Variants in ATP10B observed in about 807,000 individuals in gnomAD.
ATP10B encodes the protein ATPase phospholipid transporting 10B (putative).
Under a neutral mutation model 141.2 loss-of-function variants are expected in ATP10B, and 122 were observed. The ratio of observed to expected loss-of-function variants is 0.86; its 90% CI spans 0.75 to 1.00. The LOEUF is 1.00. ATP10B is among the 50% of genes least tolerant of loss of function. The pLI is 0.00. For missense variants in ATP10B, 1,876 were observed against 1,825.3 expected (o/e 1.03, Z -0.51); for synonymous variants, 685 against 692.0 (o/e 0.99, Z 0.16).
In ATP10B at chr5:160,687,867, T is replaced by C. The variant is rs754038010; in HGVS notation, c.208A>G (p.Arg70Gly). ...AGGGTGTATTTGGTTGTGCAGGTTC[T>C]GTTGCCAGGGTATCTCCTGGAGACC... ...EEVSRRYPGN[R>G]TCTTKYTLFT... is the part of the protein sequence containing the mutation. Residue 70 changes from arginine (R) to glycine (G), a missense_variant, in exon 5 of 26, where the codon AGA becomes GGA. By Grantham distance (125) the Arg-to-Gly change is moderately radical (BLOSUM62 -2). Coordinates refer to ENST00000327245, the MANE Select transcript of ATP10B (RefSeq NM_025153.3). 3.1e-6 allele frequency: 5 copies of C among 1,614,202 alleles called. No homozygotes were observed. Among genetic ancestry groups the C allele is most frequent in the Non-Finnish European group, 2.5e-6 (3 of 1,180,024 alleles).
At chr5:160,755,814 CAAAAAAA>C (rs763385041) in intron 2 of ATP10B, among the ~76,000 whole-genome samples, 36 of 48,156 alleles carry the variant, frequency 7.5e-4, no homozygotes, top group African/African-American at 2.4e-3. Flanking sequence ...GACTCCGTCT[CAAAAAAA>C]AAAAAAAAAA....
At chr5:160,873,524 C>T in the ATP10B span, among the ~76,000 whole-genome samples, 2 of 152,162 alleles carry the variant, frequency 1.3e-5, no homozygotes, top group Non-Finnish European at 1.5e-5. Context: ...GCCAGGCTCT[C>T]GAGGAGCCAA....
the ATP10B span, among the ~76,000 whole-genome samples, chr5:160,900,442 C>T: frequency 1.3e-5 from 2 of 152,278 alleles, no homozygotes; most frequent in East Asian, 1.9e-4. Flanking sequence ...CTTGCTGATG[C>T]CCTGCCTCTT....
In ATP10B at chr5:160,569,663, C is replaced by A. The variant is rs1416602280; in HGVS notation, c.3771G>T (p.Val1257=). ...AGTACATCAGGAAGCTGCCGAGGAG[C>A]ACGACTCCGTGGAAAATGGTCTGTG... ...MKTWTIFHGV[V]LLGSFLMYFL... The change falls in exon 25 of 26, where the codon GTG becomes GTT. Residue 1257 remains valine, a synonymous_variant. Coordinates refer to ENST00000327245, the MANE Select transcript of ATP10B (RefSeq NM_025153.3). 1.9e-6 allele frequency: 3 copies of A among 1,583,606 alleles called. No individual in the cohort carries two copies. Among genetic ancestry groups the A allele is most frequent in the African/African-American group, 1.4e-5 (1 of 73,686 alleles).
At chr5:160,652,821 T>A (rs1415791852) in intron 7 of ATP10B, among the ~76,000 whole-genome samples, 3 of 97,460 alleles carry the variant, frequency 3.1e-5, no homozygotes, top group Non-Finnish European at 3.5e-5. Context: ...ATATTATATA[T>A]TAATTATATA....
intron 2 of ATP10B, among the ~76,000 whole-genome samples, chr5:160,748,195 G>A (rs1273976724): frequency 6.6e-6 from 1 of 152,084 alleles, no homozygotes; most frequent in Non-Finnish European, 1.5e-5. Flanking sequence ...AGCTTGCCCA[G>A]GACTTCGTGT....
At chr5:160,696,266 C>G (rs988967669) in intron 3 of ATP10B, among the ~76,000 whole-genome samples, 1 of 152,052 alleles carries the variant, frequency 6.6e-6, no homozygotes, top group Non-Finnish European at 1.5e-5. Flanking sequence ...GCCATCATGC[C>G]TGGCAAAATT....
At chr5:160,594,122 C>T (rs1175194211) in intron 22 of ATP10B, among the ~76,000 whole-genome samples, 6 of 152,204 alleles carry the variant, frequency 3.9e-5, no homozygotes, top group East Asian at 1.9e-4. Context: ...GAAAAAATGT[C>T]AAGGGCAGCC....
the ATP10B span, among the ~76,000 whole-genome samples, chr5:160,914,711 ACGCC>A: frequency 6.6e-6 from 1 of 152,214 alleles, no homozygotes; most frequent in Non-Finnish European, 1.5e-5. Context: ...GCAAGATCAT[ACGCC>A]CAGGTACTAA....
At chr5:160,636,149 T>C (rs1581237788) in intron 11 of ATP10B, 33 bp downstream of exon 11, 1 of 1,567,614 alleles carries the variant, frequency 6.4e-7, no homozygotes, top group Middle Eastern at 1.8e-4. Context: ...GCCACATATC[T>C]TATTGGGCCC....
Position 160,783,057 on chromosome 5 carries a change from G to A in ATP10B, c.-331+2502C>T, listed in dbSNP as rs528501680. 6.6e-5 allele frequency among the ~76,000 whole-genome samples: 10 copies of A among 151,926 alleles called. No individual in the cohort carries two copies. In the South Asian group the frequency reaches 2.1e-3, roughly 32 times the overall value. On this transcript the variant is annotated intron_variant, in intron 2 of 25. Coordinates refer to ENST00000327245, the MANE Select transcript of ATP10B (RefSeq NM_025153.3). ...TTTTTATTTTCTTCCATAAGTTATT[G>A]TGGTACAGTTTGGTTACATAAGTTC... is the stretch of plus-strand genomic sequence containing the variant.
At chr5:160,592,077 C>T (rs1007662765) in intron 22 of ATP10B, among the ~76,000 whole-genome samples, 1 of 152,170 alleles carries the variant, frequency 6.6e-6, no homozygotes, top group African/African-American at 2.4e-5. Context: ...TCTGACTTCT[C>T]CAAATCATTC....
intron 13 of ATP10B, 108 bp downstream of exon 13, chr5:160,632,021 T>C (rs1306169963): frequency 9.9e-7 from 1 of 1,005,792 alleles, no homozygotes; most frequent in Non-Finnish European, 1.5e-6. Context: ...GGGCACCATT[T>C]TGAAAGCTCT....
At chr5:160,729,653 G>A (rs111325705) in intron 2 of ATP10B, among the ~76,000 whole-genome samples, 12 of 152,292 alleles carry the variant, frequency 7.9e-5, no homozygotes, top group African/African-American at 1.9e-4. Flanking sequence ...TATTGGACTC[G>A]AAACATGAAT....
At chr5:160,676,614 A>G (rs1763047051) in intron 6 of ATP10B, among the ~76,000 whole-genome samples, 2 of 152,338 alleles carry the variant, frequency 1.3e-5, no homozygotes, top group African/African-American at 4.8e-5. Flanking sequence ...GGGAGTGTTT[A>G]GTAAATATCA....
chr5:160,755,369 T>C (rs866762127), intron 2 of ATP10B, among the ~76,000 whole-genome samples: 1 of 152,092 alleles, frequency 6.6e-6, no homozygotes, highest in Admixed American at 6.5e-5. Context: ...ATCCAAACAA[T>C]ATCAGTGTCA....
intron 2 of ATP10B, among the ~76,000 whole-genome samples, chr5:160,772,750 C>T (rs1184364674): frequency 6.6e-6 from 1 of 152,170 alleles, no homozygotes; most frequent in Non-Finnish European, 1.5e-5. Flanking sequence ...TCCTACTGAT[C>T]CATGGCCTGG....
the ATP10B span, among the ~76,000 whole-genome samples, chr5:160,909,785 G>A: frequency 6.6e-6 from 1 of 152,170 alleles, no homozygotes; most frequent in Non-Finnish European, 1.5e-5. Context: ...TACATTAGGA[G>A]AAAGAACTCG....
intron 3 of ATP10B, chr5:160,692,570 T>C (rs1406699663): frequency 1.3e-5 from 2 of 152,226 alleles, no homozygotes; most frequent in African/African-American, 2.4e-5. Context: ...TGTTTAAGAT[T>C]GAGTTTCTGA....
Sources: allele counts gnomAD v4.1 joint callset (sites outside exome capture counted in the v4.1 genomes callset), GRCh38; gene constraint gnomAD v4.1.1; transcripts MANE v1.5; gene names NCBI Gene and HGNC (gene_info 2026-07-23, HGNC 2026-07-21).